The following ENAH variants were observed in gnomAD, a reference collection of about 807,000 sequenced individuals.
ENAH encodes the protein protein enabled homolog.
In ENAH, 23 loss-of-function variants were observed where a neutral mutation model predicts 78.7. The ratio of observed to expected loss-of-function variants is 0.29; its 90% CI spans 0.21 to 0.41. ENAH has a LOEUF of 0.41. Ranked by LOEUF, ENAH falls within the 10% of genes least tolerant of loss-of-function variation. The probability of loss-of-function intolerance (pLI) is 1.00; values close to 1 mark genes in which losing one functional copy is unlikely to be tolerated. For missense variants in ENAH, 544 were observed against 691.0 expected (o/e 0.79, Z 2.39); for synonymous variants, 226 against 241.0 (o/e 0.94, Z 0.58).
intron 1 of ENAH, among the ~76,000 whole-genome samples, chr1:225,647,349 C>T (rs998566700): frequency 6.6e-6 from 1 of 152,180 alleles, no homozygotes; most frequent in Non-Finnish European, 1.5e-5. Context: ...GTCAAAGAGA[C>T]TTAAAAACAG....
intron 1 of ENAH, among the ~76,000 whole-genome samples, chr1:225,623,062 T>G (rs1657294250): frequency 6.6e-6 from 1 of 152,176 alleles, no homozygotes; most frequent in Non-Finnish European, 1.5e-5. Flanking sequence ...GAACTTTTTA[T>G]TACAGAAAAG....
rs1255188143 is a variant in ENAH, at chr1:225,519,439, T to C, written c.561A>G (p.Glu187=). The stretch of plus-strand genomic sequence containing the variant: ...GTCTCTCTCTCTCCAGCTGTTCTTG[T>C]TCCAGTCGCTCCCTCTCCAGCCTTT... The part of the protein sequence containing the change: ...ERERLERERL[E]QEQLERERQE... Residue 187 remains glutamate, a synonymous_variant, in exon 5 of 14, where the codon GAA becomes GAG. Coordinates refer to ENST00000366843, the MANE Select transcript of ENAH (RefSeq NM_018212.6). 7 of 1,613,564 alleles carry C rather than the reference T, an allele frequency of 4.3e-6. No individual in the cohort carries two copies. The highest frequency in any genetic ancestry group is 4.0e-5 in the African/African-American group (3 of 74,922).
Position 225,652,683 on chromosome 1 carries a change from C to A in ENAH, c.5+3G>T. Reference sequence around the variant, plus strand: ...CCCGGCCCCCGCCCCGCGCGCCCCTCACCTCATGGTGCCGGCGGCGCAGAG... The same window carrying A: ...CCCGGCCCCCGCCCCGCGCGCCCCTAACCTCATGGTGCCGGCGGCGCAGAG... On this transcript the variant is annotated splice_donor_region_variant and intron_variant, in intron 1 of 13. Coordinates refer to ENST00000366843, the MANE Select transcript of ENAH (RefSeq NM_018212.6). 1 of 1,307,104 alleles carries A rather than the reference C, an allele frequency of 7.7e-7. No individual in the cohort carries two copies. Among genetic ancestry groups the A allele is most frequent in the Non-Finnish European group, 9.7e-7 (1 of 1,030,238 alleles). 81.0% of individuals were successfully genotyped at this position (1,307,104 alleles called of 1,614,324 possible). A position where few individuals can be genotyped will look rare whatever the true frequency, so the allele number is the denominator to read the frequency against.
At chr1:225,515,052 C>G in intron 6 of ENAH, 152 bp from the exon 7 acceptor site, 1 of 719,402 alleles carries the variant, frequency 1.4e-6, no homozygotes, top group South Asian at 1.8e-5. Flanking sequence ...AAGTCTAGAT[C>G]AGTTTTTGAA....
chr1:225,569,902 G>T (rs2151528354), intron 1 of ENAH, among the ~76,000 whole-genome samples: 1 of 152,232 alleles, frequency 6.6e-6, no homozygotes, highest in Non-Finnish European at 1.5e-5. Flanking sequence ...TAACTGTGTA[G>T]CCCTAGAAGA....
In ENAH at chr1:225,538,942, C is replaced by T. The variant is rs2096575602; in HGVS notation, c.350-8304G>A. 2.0e-5 allele frequency among the ~76,000 whole-genome samples: 3 copies of T among 152,192 alleles called. 1 individual carries two copies. In the South Asian group the frequency reaches 6.2e-4, roughly 32 times the overall value. On this transcript the variant is annotated intron_variant, in intron 3 of 13. Transcript: ENST00000366843. ...CTGTGTCCTCAGGTTCATTGCTCTGCTTCCTCTTCCTGAACACAGATCAAG... is the reference window on the plus strand; with the variant it reads ...CTGTGTCCTCAGGTTCATTGCTCTGTTTCCTCTTCCTGAACACAGATCAAG...
chr1:225,528,722 A>T (rs1326948912), intron 4 of ENAH, among the ~76,000 whole-genome samples: 1 of 152,088 alleles, frequency 6.6e-6, no homozygotes. Flanking sequence ...TATGTTTAGA[A>T]TTCTTCCTTA....
At chr1:225,517,835 T>A in intron 5 of ENAH, 1 of 1,551,014 alleles carries the variant, frequency 6.4e-7, no homozygotes. Context: ...GGTGTGGAAG[T>A]AGGTGGCAAA....
Position 225,505,185 on chromosome 1 carries a change from A to AT in ENAH, c.1538+2765dup, listed in dbSNP as rs2096316431. On this transcript the variant is annotated intron_variant, in intron 11 of 13. Coordinates refer to ENST00000366843, the MANE Select transcript of ENAH (RefSeq NM_018212.6). ...GAGTCTATTAACCTTAAAATAACCAATTTTTCCCCAATAAAAGATATTTTA... is the reference window on the plus strand; with the variant it reads ...GAGTCTATTAACCTTAAAATAACCAATTTTTTCCCCAATAAAAGATATTTTA... 7.5e-6 allele frequency: 4 copies of AT among 532,510 alleles called. No homozygotes were observed. In the South Asian group the frequency reaches 1.3e-4, roughly 17 times the overall value. The allele number at this position is 532,510 out of a possible 1,614,324, so 33.0% of individuals were successfully genotyped here.
At chr1:225,623,271 T>C (rs1203375206) in intron 1 of ENAH, among the ~76,000 whole-genome samples, 1 of 152,180 alleles carries the variant, frequency 6.6e-6, no homozygotes, top group African/African-American at 2.4e-5. Flanking sequence ...ATTTTTCTGT[T>C]TGGCTTAATA....
chr1:225,629,112 T>C (rs1052379354), intron 1 of ENAH, among the ~76,000 whole-genome samples: 1 of 151,530 alleles, frequency 6.6e-6, no homozygotes, highest in Non-Finnish European at 1.5e-5. Context: ...ACCCCATCTC[T>C]ACTAAGAATA....
rs548789058 is a variant in ENAH, at chr1:225,539,835, G to A, written c.350-9197C>T. On this transcript the variant is annotated intron_variant, in intron 3 of 13. Transcript: ENST00000366843. ...AATATTATTCTCTTGCTCAACTGGCGTGCCTCTTTTTGTACCAACTAGAAC... is the reference window on the plus strand; with the variant it reads ...AATATTATTCTCTTGCTCAACTGGCATGCCTCTTTTTGTACCAACTAGAAC... Among the ~76,000 whole-genome samples the A allele has an allele frequency of 1.6e-4, 25 of 152,222 alleles. No homozygotes were observed. The East Asian group carries it at 2.5e-3, about 15-fold the overall frequency.
At chr1:225,590,912 T>G (rs894980312) in intron 1 of ENAH, among the ~76,000 whole-genome samples, 5 of 152,180 alleles carry the variant, frequency 3.3e-5, no homozygotes, top group Non-Finnish European at 7.3e-5. Context: ...AAATATAATA[T>G]CCTACAATTT....
intron 1 of ENAH, among the ~76,000 whole-genome samples, chr1:225,577,592 G>T (rs2096794555): frequency 6.6e-6 from 1 of 152,130 alleles, no homozygotes; most frequent in Admixed American, 6.5e-5. Context: ...CATCAATATG[G>T]CACTATTAAA....
chr1:225,623,316 A>G (rs1657337047), intron 1 of ENAH, among the ~76,000 whole-genome samples: 1 of 152,190 alleles, frequency 6.6e-6, no homozygotes, highest in South Asian at 2.1e-4. Context: ...CTGTTAGATT[A>G]CAGGCTATCT....
At chr1:225,506,995 T>C (rs1329027336) in intron 11 of ENAH, among the ~76,000 whole-genome samples, 4 of 152,142 alleles carry the variant, frequency 2.6e-5, no homozygotes, top group Non-Finnish European at 5.9e-5. Flanking sequence ...ATACTTTTTT[T>C]TTTTCTGGGA....
intron 1 of ENAH, among the ~76,000 whole-genome samples, chr1:225,585,097 T>G (rs375473525): frequency 6.6e-6 from 1 of 151,290 alleles, no homozygotes; most frequent in East Asian, 2.0e-4. Flanking sequence ...GTGCCTATAA[T>G]CCCAGCTACT....
At chr1:225,648,013 G>A (rs1285774707) in intron 1 of ENAH, among the ~76,000 whole-genome samples, 4 of 152,132 alleles carry the variant, frequency 2.6e-5, no homozygotes, top group Non-Finnish European at 5.9e-5. Context: ...GGGACAAGGG[G>A]GTTGGGGGAG....
chr1:225,504,672 G>T (rs1191097260), intron 11 of ENAH, among the ~76,000 whole-genome samples: 3 of 152,154 alleles, frequency 2.0e-5, no homozygotes, highest in African/African-American at 7.2e-5. Flanking sequence ...GATGGAAAAG[G>T]ATCTTCTATT....
Sources: allele counts gnomAD v4.1 joint callset (sites outside exome capture counted in the v4.1 genomes callset), GRCh38; gene constraint gnomAD v4.1.1; transcripts MANE v1.5; gene names NCBI Gene and HGNC (gene_info 2026-07-23, HGNC 2026-07-21).